B3GALT1: variants seen among roughly 807,000 people sequenced by gnomAD.
B3GALT1 encodes beta-1,3-galactosyltransferase 1.
In B3GALT1, 10 loss-of-function variants were observed where a neutral mutation model predicts 23.2. The observed-to-expected ratio is 0.43, with a 90% CI of 0.27 to 0.73. B3GALT1 has a LOEUF of 0.73. Among genes scored for constraint, B3GALT1 ranks in the 30% least tolerant of loss-of-function variants. The pLI is 0.21. For synonymous variants in B3GALT1, 156 were observed against 141.5 expected, an observed-to-expected ratio of 1.10 and a Z score of -0.73; for missense variants, 299 against 405.4, an observed-to-expected ratio of 0.74 and a Z score of 2.25.
chr2:167,677,833 G>A (rs1193490145), intron 3 of B3GALT1, among the ~76,000 whole-genome samples: 10 of 152,150 alleles, frequency 6.6e-5, no homozygotes, highest in Non-Finnish European at 1.3e-4. Context: ...TACAATCATG[G>A]CAGAAGGGGA....
chr2:167,458,708 T>C (rs946544627), intron 1 of B3GALT1, among the ~76,000 whole-genome samples: 2 of 152,348 alleles, frequency 1.3e-5, no homozygotes, highest in South Asian at 2.1e-4. Context: ...TAATGCTTAT[T>C]GATTTGTGGC....
At chr2:167,697,626 C>G (rs908844511) in intron 3 of B3GALT1, among the ~76,000 whole-genome samples, 1 of 152,178 alleles carries the variant, frequency 6.6e-6, no homozygotes, top group African/African-American at 2.4e-5. Context: ...TTTCTGCCCT[C>G]TAGGAGCTAA....
chr2:167,774,497 G>GTTTTTTTTTTTT (rs397986581), intron 3 of B3GALT1, among the ~76,000 whole-genome samples: 9 of 82,982 alleles, frequency 1.1e-4, no homozygotes, highest in African/African-American at 2.4e-4. Context: ...TTTTTTTTTT[G>GTTTTTTTTTTTT]TTTTTTTTTT....
chr2:167,372,574 A>T (rs2105270661), intron 1 of B3GALT1, among the ~76,000 whole-genome samples: 1 of 152,254 alleles, frequency 6.6e-6, no homozygotes, highest in Admixed American at 6.5e-5. Flanking sequence ...ATAATTGTTT[A>T]TTTAGAAAAC....
At chr2:167,782,920 G>A (rs1688272406) in intron 3 of B3GALT1, among the ~76,000 whole-genome samples, 1 of 152,142 alleles carries the variant, frequency 6.6e-6, no homozygotes, top group Non-Finnish European at 1.5e-5. Context: ...AAACATTTTA[G>A]ATAAAATACT....
At chr2:167,337,428 C>T (rs1697077425) in intron 1 of B3GALT1, among the ~76,000 whole-genome samples, 1 of 152,022 alleles carries the variant, frequency 6.6e-6, no homozygotes, top group African/African-American at 2.4e-5. Context: ...AACTTTTCCC[C>T]AAATACTTTG....
chr2:167,725,176 G>A (rs1207993202), intron 3 of B3GALT1, among the ~76,000 whole-genome samples: 4 of 152,084 alleles, frequency 2.6e-5, no homozygotes, highest in Admixed American at 2.6e-4. Context: ...AAACCCTAAT[G>A]TCTGTCATCT....
chr2:167,583,455 G>C (rs910481134), intron 2 of B3GALT1, among the ~76,000 whole-genome samples: 5 of 151,708 alleles, frequency 3.3e-5, no homozygotes, highest in Admixed American at 2.0e-4. Flanking sequence ...TTCTTCTCTG[G>C]GAGTTAGACA....
chr2:167,779,414 C>A (rs1175354479), intron 3 of B3GALT1, among the ~76,000 whole-genome samples: 1 of 152,200 alleles, frequency 6.6e-6, no homozygotes, highest in African/African-American at 2.4e-5. Flanking sequence ...CGACAGATTT[C>A]TTTAAGTTAC....
chr2:167,833,735 C>T (rs61036365), intron 4 of B3GALT1, among the ~76,000 whole-genome samples: 6,325 of 152,202 alleles, frequency 0.042, 151 homozygotes, highest in South Asian at 0.07. Context: ...CTGGAGGATA[C>T]GTGCTCAAAC....
At chr2:167,481,451 G>A (rs962617354) in intron 1 of B3GALT1, among the ~76,000 whole-genome samples, 2 of 151,972 alleles carry the variant, frequency 1.3e-5, no homozygotes, top group East Asian at 1.9e-4. Context: ...ATGTTCCTCC[G>A]TTAAAACAAA....
chr2:167,866,915 A>G (rs974630358), intron 4 of B3GALT1, among the ~76,000 whole-genome samples: 1 of 152,142 alleles, frequency 6.6e-6, no homozygotes, highest in African/African-American at 2.4e-5. Flanking sequence ...CCATGTCTGT[A>G]TATCCCAAGT....
intron 3 of B3GALT1, among the ~76,000 whole-genome samples, chr2:167,772,758 GAC>G (rs1688094130): frequency 6.6e-6 from 1 of 152,168 alleles, no homozygotes; most frequent in African/African-American, 2.4e-5. Context: ...TCAAATGTAT[GAC>G]ACACTATGTT....
chr2:167,753,303 A>G (rs1019317210), intron 3 of B3GALT1, among the ~76,000 whole-genome samples: 4 of 152,196 alleles, frequency 2.6e-5, no homozygotes, highest in African/African-American at 9.6e-5. Flanking sequence ...ACTGTGAGCA[A>G]GAGACAGGCC....
rs570221026 is a variant in B3GALT1, at chr2:167,668,072, T to C, written c.-352+21106T>C. On this transcript the variant is annotated intron_variant, in intron 3 of 4. Transcript: ENST00000392690. The stretch of plus-strand genomic sequence containing the variant: ...TTCTGCTCTGTTTTTTCCCCATCTT[T>C]GTGGTTTTATCTACTTTTGGTCTTT... 2.3e-3 allele frequency among the ~76,000 whole-genome samples: 349 copies of C among 152,328 alleles called. 1 individual carries two copies. Among genetic ancestry groups the C allele is most frequent in the African/African-American group, 8.2e-3 (341 of 41,566 alleles).
chr2:167,414,237 C>T (rs1251110762), intron 1 of B3GALT1, among the ~76,000 whole-genome samples: 2 of 152,088 alleles, frequency 1.3e-5, no homozygotes, highest in African/African-American at 4.8e-5. Flanking sequence ...CTATTAGTGT[C>T]TTTACTTCCT....
At chr2:167,821,305 T>A (rs1558990875) in intron 4 of B3GALT1, among the ~76,000 whole-genome samples, 1 of 152,068 alleles carries the variant, frequency 6.6e-6, no homozygotes, top group African/African-American at 2.4e-5. Context: ...TCTTTTGCAC[T>A]TAAGATCTTG....
chr2:167,488,926 C>T (rs1001008322), intron 1 of B3GALT1, among the ~76,000 whole-genome samples: 5 of 151,170 alleles, frequency 3.3e-5, no homozygotes, highest in Admixed American at 3.3e-4. Context: ...GAATCAAGAA[C>T]TTAGCCATGT....
chr2:167,573,790 T>G (rs1224159026), intron 2 of B3GALT1, among the ~76,000 whole-genome samples: 2 of 151,638 alleles, frequency 1.3e-5, no homozygotes, highest in African/African-American at 2.4e-5. Flanking sequence ...AAAAGTGTGC[T>G]TAGCATGACA....
Sources: gnomAD v4.1 joint callset for allele counts (sites outside exome capture counted in the v4.1 genomes callset) on GRCh38, gnomAD v4.1.1 for gene constraint, MANE v1.5 for transcripts, NCBI Gene and HGNC (gene_info 2026-07-23, HGNC 2026-07-21) for gene names.